Variants in PSMD1 observed in about 807,000 individuals in gnomAD.
The protein encoded by PSMD1 is proteasome 26S subunit, non-ATPase 1.
Under a neutral mutation model 119.0 loss-of-function variants are expected in PSMD1, and 18 were observed. That is an observed-to-expected ratio of 0.15 (90% CI 0.10 to 0.22). The LOEUF is 0.22. Ranked by LOEUF, PSMD1 falls within the 10% of genes least tolerant of loss-of-function variation. PSMD1 has a pLI of 1.00. For missense variants in PSMD1, 702 were observed against 1,158.5 expected (o/e 0.61, Z 5.72); for synonymous variants, 374 against 396.6 (o/e 0.94, Z 0.68).
chr2:231,162,880 G>A (rs1234910813), intron 20 of PSMD1, among the ~76,000 whole-genome samples: 1 of 150,192 alleles, frequency 6.7e-6, no homozygotes, highest in Non-Finnish European at 1.5e-5. Flanking sequence ...GGTGGATCAC[G>A]AGGTCAGGAG....
intron 23 of PSMD1, among the ~76,000 whole-genome samples, chr2:231,167,594 A>G (rs1696818193): frequency 6.6e-6 from 1 of 152,244 alleles, no homozygotes; most frequent in African/African-American, 2.4e-5. Context: ...TCCTTCAAAG[A>G]GTGGGAGACT....
At chr2:231,107,407 T>C (rs1695003010) in intron 16 of PSMD1, among the ~76,000 whole-genome samples, 1 of 152,188 alleles carries the variant, frequency 6.6e-6, no homozygotes, top group Non-Finnish European at 1.5e-5. Flanking sequence ...GTATGAGTTA[T>C]CTTCACTGCA....
At chr2:231,135,231 T>C (rs937894872) in intron 16 of PSMD1, among the ~76,000 whole-genome samples, 4 of 152,216 alleles carry the variant, frequency 2.6e-5, no homozygotes, top group Non-Finnish European at 5.9e-5. Flanking sequence ...ATAGCCTCTT[T>C]GGTGTAATAT....
chr2:231,168,934 A>G (rs1454288434), intron 23 of PSMD1, among the ~76,000 whole-genome samples: 1 of 152,214 alleles, frequency 6.6e-6, no homozygotes, highest in African/African-American at 2.4e-5. Context: ...AACAAGTAAC[A>G]TTCCTACCCT....
chr2:231,153,444 T>A, intron 18 of PSMD1, 120 bp from the exon 19 acceptor site: 1 of 751,442 alleles, frequency 1.3e-6, no homozygotes, highest in Non-Finnish European at 2.3e-6. Flanking sequence ...CATATCCCTC[T>A]CTTGAGCATT....
chr2:231,115,564 T>C (rs980781636), intron 16 of PSMD1, among the ~76,000 whole-genome samples: 1 of 152,178 alleles, frequency 6.6e-6, no homozygotes, highest in Non-Finnish European at 1.5e-5. Context: ...AGTGTATTAC[T>C]GTAAATAAAC....
At chr2:231,168,379 C>T (rs1056563672) in intron 23 of PSMD1, among the ~76,000 whole-genome samples, 1 of 152,138 alleles carries the variant, frequency 6.6e-6, no homozygotes, top group Non-Finnish European at 1.5e-5. Flanking sequence ...CAGCATGATT[C>T]ATAATAGCCA....
At chr2:231,069,797 A>G (rs1693999670) in intron 5 of PSMD1, among the ~76,000 whole-genome samples, 1 of 152,222 alleles carries the variant, frequency 6.6e-6, no homozygotes, top group South Asian at 2.1e-4. Context: ...TCTGAGTACC[A>G]CTAAATATTA....
chr2:231,083,775 T>TA lies in PSMD1; in HGVS notation c.1722+13dup, dbSNP rs1331092156. 1.9e-6 allele frequency: 3 copies of TA among 1,613,336 alleles called. No homozygotes were observed. Among genetic ancestry groups the TA allele is most frequent in the East Asian group, 2.2e-5 (1 of 44,866 alleles). ...TCTGTCGTGACAAGGTGAGATCACATACGTCCCTCACTGTCCATTTATCTC... is the reference window on the plus strand; with the variant it reads ...TCTGTCGTGACAAGGTGAGATCACATAACGTCCCTCACTGTCCATTTATCTC... On this transcript the variant is annotated intron_variant, in intron 14 of 24. Transcript: ENST00000308696.
chr2:231,061,050 G>T (rs1476787639), intron 1 of PSMD1, among the ~76,000 whole-genome samples: 1 of 152,218 alleles, frequency 6.6e-6, no homozygotes, highest in Admixed American at 6.5e-5. Flanking sequence ...TTAGGCAAAT[G>T]ATGTAATATA....
chr2:231,072,654 A>G (rs1449097647), intron 7 of PSMD1, among the ~76,000 whole-genome samples: 1 of 152,116 alleles, frequency 6.6e-6, no homozygotes, highest in African/African-American at 2.4e-5. Context: ...GGGAGGGCCT[A>G]CCAGACAACA....
intron 21 of PSMD1, among the ~76,000 whole-genome samples, chr2:231,164,707 A>G (rs1029540093): frequency 6.6e-6 from 1 of 152,032 alleles, no homozygotes; most frequent in African/African-American, 2.4e-5. Flanking sequence ...ATGAAGGAGA[A>G]TAATATAGGC....
intron 16 of PSMD1, among the ~76,000 whole-genome samples, chr2:231,094,618 A>C (rs1260654918): frequency 5.9e-5 from 9 of 152,228 alleles, no homozygotes. Context: ...TAGTAAATCC[A>C]GAATGAGTAA....
chr2:231,161,566 A>AT, intron 20 of PSMD1, 57 bp downstream of exon 20: 1 of 1,477,462 alleles, frequency 6.8e-7, no homozygotes, highest in South Asian at 1.3e-5. Context: ...TCTTATTCAT[A>AT]TTTACCGCCC....
At chr2:231,087,067 T>G in intron 15 of PSMD1, 50 bp from the exon 16 acceptor site, 1 of 1,506,646 alleles carries the variant, frequency 6.6e-7, no homozygotes, top group Non-Finnish European at 9.2e-7. Flanking sequence ...GTCAGTTTGG[T>G]CTAGTGGTAG....
chr2:231,089,128 G>T (rs528180918), intron 16 of PSMD1, among the ~76,000 whole-genome samples: 1 of 152,222 alleles, frequency 6.6e-6, no homozygotes, highest in African/African-American at 2.4e-5. Context: ...AGCTGCAGAA[G>T]AAAAGCTTGA....
intron 1 of PSMD1, 68 bp from the exon 2 acceptor site, chr2:231,061,199 G>T (rs1693748879): frequency 7.2e-6 from 9 of 1,248,858 alleles, no homozygotes; most frequent in East Asian, 2.4e-5. Flanking sequence ...ATGTATTTTT[G>T]ACCAGGTGTT....
chr2:231,094,756 TAAG>T (rs891554099), intron 16 of PSMD1, among the ~76,000 whole-genome samples: 1 of 152,160 alleles, frequency 6.6e-6, no homozygotes, highest in Non-Finnish European at 1.5e-5. Flanking sequence ...AAGTATGAGA[TAAG>T]AACTGAATTA....
intron 16 of PSMD1, chr2:231,123,477 C>T: frequency 6.2e-7 from 1 of 1,614,048 alleles, no homozygotes; most frequent in Non-Finnish European, 8.5e-7. Flanking sequence ...CAGCCACCGC[C>T]AAGGACATTA....
Sources: gnomAD v4.1 joint callset for allele counts (sites outside exome capture counted in the v4.1 genomes callset) on GRCh38, gnomAD v4.1.1 for gene constraint, MANE v1.5 for transcripts, NCBI Gene and HGNC (gene_info 2026-07-23, HGNC 2026-07-21) for gene names.